LRP1: variants seen among roughly 807,000 people sequenced by gnomAD.
LRP1 encodes the protein prolow-density lipoprotein receptor-related protein 1.
A neutral mutation model predicts 541.5 loss-of-function variants in LRP1; 51 were observed. The ratio of observed to expected loss-of-function variants is 0.09; its 90% CI spans 0.08 to 0.12. The LOEUF is 0.12. Among genes scored for constraint, LRP1 ranks in the 10% least tolerant of loss-of-function variants. The pLI is 1.00. For synonymous variants in LRP1, 2,219 were observed against 2,470.8 expected (o/e 0.90, Z 3.02); for missense variants, 3,878 against 6,376.2 (o/e 0.61, Z 13.34).
chr12:57,132,591 C>A, intron 1 of LRP1, among the ~76,000 whole-genome samples: 1 of 152,178 alleles, frequency 6.6e-6, no homozygotes, highest in East Asian at 1.9e-4. Context: ...TGGACTGAGC[C>A]CCCTTCCTGG....
At chr12:57,166,039 G>C (rs754035714) in intron 16 of LRP1, 45 bp from the exon 17 acceptor site, 2 of 1,613,504 alleles carry the variant, frequency 1.2e-6, no homozygotes, top group South Asian at 2.2e-5. Flanking sequence ...CAGGAAGCTG[G>C]GGGCACCCAA....
At chr12:57,191,980 AT>A (rs2036416277) in intron 44 of LRP1, among the ~76,000 whole-genome samples, 4 of 145,266 alleles carry the variant, frequency 2.8e-5, no homozygotes, top group South Asian at 2.3e-4. Flanking sequence ...CACATGACAC[AT>A]ACACACCACA....
At chr12:57,192,783 C>T in intron 44 of LRP1, 62 bp from the exon 45 acceptor site, 10 of 1,605,762 alleles carry the variant, frequency 6.2e-6, no homozygotes, top group Non-Finnish European at 7.7e-6. Flanking sequence ...GGTGGGTGCA[C>T]TCTGGGTGCA....
intron 5 of LRP1, 28 bp from the exon 6 acceptor site, chr12:57,145,199 C>T: frequency 1.2e-6 from 2 of 1,613,796 alleles, no homozygotes; most frequent in Non-Finnish European, 1.7e-6. Flanking sequence ...GCCCTGGCTG[C>T]ACGGACTCTT....
chr12:57,168,551 A>T (rs865935384), intron 19 of LRP1, among the ~76,000 whole-genome samples: 18 of 152,180 alleles, frequency 1.2e-4, no homozygotes, highest in Non-Finnish European at 7.4e-5. Context: ...TCTCCACCAC[A>T]TGTCCCATAA....
In LRP1 at chr12:57,184,089, C is replaced by T. The variant is rs34398639; in HGVS notation, c.5934C>T (p.Asn1978=). Residue 1978 remains asparagine (N), a synonymous_variant, in exon 37 of 89, where the codon AAC becomes AAT. Coordinates refer to ENST00000243077, the MANE Select transcript of LRP1 (RefSeq NM_002332.3). The surrounding 1 kb of genome is among the most constrained non-coding windows in gnomAD (Gnocchi z 7.8). ...EGIAVDWIAG[N]IYWTDQGFDV... ...CCCCACCAACTCCCTCCTTAGGCAA[C>T]ATCTACTGGACAGACCAGGGCTTTG... The T allele has an allele frequency of 0.016, 25,788 of 1,613,628 alleles. 306 individuals are homozygous for T. Among genetic ancestry groups the T allele is most frequent in the Non-Finnish European group, 0.018 (21,470 of 1,179,730 alleles).
At chr12:57,152,466 C>T (rs553256467) in intron 6 of LRP1, among the ~76,000 whole-genome samples, 37 of 152,270 alleles carry the variant, frequency 2.4e-4, no homozygotes, top group African/African-American at 8.4e-4. Flanking sequence ...CAGGCAGGTC[C>T]CTGCTTTGAG....
At chr12:57,157,148 A>G (rs1208850688) in intron 10 of LRP1, among the ~76,000 whole-genome samples, 1 of 152,210 alleles carries the variant, frequency 6.6e-6, no homozygotes, top group Non-Finnish European at 1.5e-5. Context: ...TTCATTCAGC[A>G]AGTGTCTAGT....
In LRP1 at chr12:57,204,966, G is replaced by C; in HGVS notation, c.11195-143G>C. 7.3e-7 allele frequency: 1 copy of C among 1,372,700 alleles called. No individual in the cohort carries two copies. Among genetic ancestry groups the C allele is most frequent in the Non-Finnish European group, 9.9e-7 (1 of 1,009,670 alleles). 85.0% of individuals were successfully genotyped at this position (1,372,700 alleles called of 1,614,324 possible). A position where few individuals can be genotyped will look rare whatever the true frequency, so the allele number is the denominator to read the frequency against. On this transcript the variant is annotated intron_variant, in intron 72 of 88. Transcript: ENST00000243077. The surrounding 1 kb of genome is among the most constrained non-coding windows in gnomAD (Gnocchi z 5.3). ...GCCTGATGCCTTAGGTCTTGGAGGT[G>C]GGGCTGGGAACCCAAATGTTTGACC... is the stretch of plus-strand genomic sequence containing the variant.
At chr12:57,161,833 C>T (rs2035740444) in intron 13 of LRP1, among the ~76,000 whole-genome samples, 1 of 152,136 alleles carries the variant, frequency 6.6e-6, no homozygotes, top group Admixed American at 6.5e-5. Flanking sequence ...CCGTATGTGC[C>T]CTATCTGAGA....
chr12:57,143,889 C>T (rs185694830), intron 4 of LRP1, 91 bp downstream of exon 4: 1,409 of 1,446,356 alleles, frequency 9.7e-4, no homozygotes, highest in Non-Finnish European at 1.2e-3. Context: ...GGGGGCCTGG[C>T]TGGAATAAGA....
Position 57,156,009 on chromosome 12 carries a change from G to A in LRP1, c.1228-85G>A. On this transcript the variant is annotated intron_variant, in intron 8 of 88. Coordinates refer to ENST00000243077, the MANE Select transcript of LRP1 (RefSeq NM_002332.3). The surrounding 1 kb of genome is among the most constrained non-coding windows in gnomAD (Gnocchi z 5.2). ...TGAATTGGGGAATGCAGGTCATGAA[G>A]TCTGGAGGAAGCTGAGGGGATCTCC... The A allele has an allele frequency of 9.2e-7, 1 of 1,087,966 alleles. No individual in the cohort carries two copies. The allele number at this position is 1,087,966 out of a possible 1,614,324, so 67.4% of individuals were successfully genotyped here. A position where few individuals can be genotyped will look rare whatever the true frequency, so the allele number is the denominator to read the frequency against.
chr12:57,190,646 G>A (rs2036358975), intron 42 of LRP1, among the ~76,000 whole-genome samples, 159 bp from the exon 43 acceptor site: 1 of 152,354 alleles, frequency 6.6e-6, no homozygotes, highest in East Asian at 1.9e-4. Context: ...GCAATAGTGG[G>A]GCCCTTCCTG....
In LRP1 at chr12:57,178,646, G is replaced by C. The variant is rs999825263; in HGVS notation, c.4606+43G>C. 7 of 1,612,272 alleles carry C rather than the reference G, an allele frequency of 4.3e-6. No homozygotes were observed. Among genetic ancestry groups the C allele is most frequent in the Non-Finnish European group, 5.9e-6 (7 of 1,178,916 alleles). The stretch of plus-strand genomic sequence containing the variant: ...TCGAGCAGCCGGAAGGGAGCCAGCA[G>C]CCTCTTTAGAAGCTGTAGAAGCTCT... On this transcript the variant is annotated intron_variant, in intron 27 of 88. Transcript: ENST00000243077. This position sits in a 1 kb window ranked among gnomAD's most constrained non-coding sequence, Gnocchi z 5.8.
chr12:57,138,335 T>A, intron 1 of LRP1, 124 bp from the exon 2 acceptor site: 13 of 1,186,114 alleles, frequency 1.1e-5, no homozygotes, highest in East Asian at 2.5e-5. Context: ...ACATAGACCA[T>A]GGCTGAGGGT....
rs2036459278 is a variant in LRP1 at position 57,193,492 on chromosome 12, G to A, written c.7685-74G>A. The stretch of plus-strand genomic sequence containing the variant: ...GGTTTGGGGGTGGCCAGCTGGACAC[G>A]TGCATGACGTCTCAGGGAGGCAGCC... On this transcript the variant is annotated intron_variant, in intron 46 of 88. Transcript: ENST00000243077. The A allele has an allele frequency of 1.7e-5, 27 of 1,572,964 alleles. No individual in the cohort carries two copies. In the Admixed American group the frequency reaches 2.7e-4, roughly 16 times the overall value.
chr12:57,169,706 A>C (rs1295887973), intron 20 of LRP1, among the ~76,000 whole-genome samples: 1 of 152,238 alleles, frequency 6.6e-6, no homozygotes, highest in Non-Finnish European at 1.5e-5. Flanking sequence ...AGTGCTCAGC[A>C]CACGGCCTGT....
chr12:57,193,876 A>T (rs2036469243), intron 47 of LRP1, 23 bp from the exon 48 acceptor site: 2 of 1,608,530 alleles, frequency 1.2e-6, no homozygotes, highest in African/African-American at 1.3e-5. Context: ...TGGCCTGACG[A>T]TACGGGGCGG....
chr12:57,199,802 C>T, intron 61 of LRP1, 75 bp from the exon 62 acceptor site: 2 of 1,518,574 alleles, frequency 1.3e-6, no homozygotes, highest in South Asian at 1.3e-5. Flanking sequence ...CCGCCTCTGT[C>T]CAGGATAGAG....
Sources: gnomAD v4.1 joint callset for allele counts (sites outside exome capture counted in the v4.1 genomes callset) on GRCh38, gnomAD v4.1.1 for gene constraint, Gnocchi (gnomAD v3.1) non-coding constraint, MANE v1.5 for transcripts, NCBI Gene and HGNC (gene_info 2026-07-23, HGNC 2026-07-21) for gene names.